TMEM229A: variants seen among roughly 807,000 people sequenced by gnomAD.
TMEM229A encodes the protein transmembrane protein 229A.
TMEM229A carries 23 observed loss-of-function variants against 30.0 expected under a neutral mutation model. The ratio of observed to expected loss-of-function variants is 0.77; its 90% CI spans 0.55 to 1.09. The LOEUF (loss-of-function observed/expected upper bound fraction) is 1.09, where lower values mean the gene tolerates loss of function less well. Among genes scored for constraint, TMEM229A ranks in the 50% least tolerant of loss-of-function variants. The pLI, the probability that TMEM229A is intolerant of heterozygous loss-of-function variation, is 0.00. For synonymous variants in TMEM229A, 264 were observed against 241.5 expected, an observed-to-expected ratio of 1.09 and a Z score of -0.86; for missense variants, 534 against 525.9, an observed-to-expected ratio of 1.02 and a Z score of -0.15.
Position 124,032,783 on chromosome 7 carries a change from G to A in TMEM229A, c.221C>T (p.Ala74Val). Reference protein sequence around the residue: ...GITLDVLVSSARRFARSPDLR... With the variant: ...GITLDVLVSSVRRFARSPDLR... The stretch of plus-strand genomic sequence containing the variant: ...GTCCGGGCTGCGGGCGAAGCGCCGG[G>A]CCGAGGACACCAGCACGTCCAGGGT... The change falls in exon 1 of 1, where the codon GCC (alanine) becomes GTC (valine). Residue 74 changes from alanine (A) to valine (V), a missense_variant. Transcript: ENST00000455783. This position sits in a 1 kb window ranked among gnomAD's most constrained non-coding sequence, Gnocchi z 6.6. The A allele has an allele frequency of 6.4e-7, 1 of 1,551,124 alleles. No homozygotes were observed. The highest frequency in any genetic ancestry group is 8.7e-7 in the Non-Finnish European group (1 of 1,146,850).
Position 124,032,252 on chromosome 7 carries a change from C to G in TMEM229A, c.752G>C (p.Gly251Ala). ...LPRFLFFGMHGFLDEIFFTFF... is the reference protein window; with the variant it reads ...LPRFLFFGMHAFLDEIFFTFF... ...GGTGAAGAAGATCTCATCCAGAAAG[C>G]CGTGCATTCCGAAGAAAAGAAAGCG... Residue 251 changes from glycine to alanine, a missense_variant, in exon 1 of 1, where the codon GGC becomes GCC. By Grantham distance (60) the Gly-to-Ala change is moderately conservative. Coordinates refer to ENST00000455783, the MANE Select transcript of TMEM229A (RefSeq NM_001136002.2). This position sits in a 1 kb window ranked among gnomAD's most constrained non-coding sequence, Gnocchi z 6.6. The G allele has an allele frequency of 6.4e-7, 1 of 1,551,576 alleles. No individual in the cohort carries two copies. Among genetic ancestry groups the G allele is most frequent in the Non-Finnish European group, 8.7e-7 (1 of 1,146,988 alleles).
At position 124,032,580 on chromosome 7, in the gene TMEM229A, G is replaced by A. The variant is rs755096200; in HGVS notation, c.424C>T (p.Leu142Phe). 5 of 1,550,342 alleles carry A rather than the reference G, an allele frequency of 3.2e-6. No individual in the cohort carries two copies. Among genetic ancestry groups the A allele is most frequent in the Middle Eastern group, 1.7e-4 (1 of 5,970 alleles). ...ACCCCCGCCCCGCCGCCCAGGCTGAGTAGTAGCGCCTGGCCCGCTAGGGTC... is the reference window on the plus strand; with the variant it reads ...ACCCCCGCCCCGCCGCCCAGGCTGAATAGTAGCGCCTGGCCCGCTAGGGTC... ...LQTLAGQALL[L>F]SLGGGAGVAV... Residue 142 changes from leucine (L) to phenylalanine (F), a missense_variant, in exon 1 of 1, where the codon CTC becomes TTC. Transcript: ENST00000455783. The surrounding 1 kb of genome is among the most constrained non-coding windows in gnomAD (Gnocchi z 6.6).
In TMEM229A at chr7:124,032,628, G is replaced by C. The variant is rs1489725757; in HGVS notation, c.376C>G (p.Pro126Ala). The C allele has an allele frequency of 1.7e-5, 27 of 1,551,162 alleles. No homozygotes were observed. The Admixed American group carries it at 2.4e-4, about 14-fold the overall frequency. ...NAFVFNFLLY[P>A]SAHVGLQTLA... ...GTCTGCAGCCCCACGTGGGCCGAGG[G>C]GTAGAGGAGGAAATTGAAGACGAAG... The change falls in exon 1 of 1, where the codon CCC (proline) becomes GCC (alanine). Residue 126 changes from proline to alanine, a missense_variant. Physicochemically the swap from Pro to Ala is conservative, Grantham distance 27. Coordinates refer to ENST00000455783, the MANE Select transcript of TMEM229A (RefSeq NM_001136002.2). This position sits in a 1 kb window ranked among gnomAD's most constrained non-coding sequence, Gnocchi z 6.6.
rs1793133925 is a variant in TMEM229A at position 124,031,656 on chromosome 7, T to C, written c.*205A>G. On this transcript the variant is annotated 3_prime_UTR_variant, in exon 1 of 1. Transcript: ENST00000455783. The surrounding 1 kb of genome is among the most constrained non-coding windows in gnomAD (Gnocchi z 4.1). Reference sequence around the variant, plus strand: ...GGCAAATAAAGTACTTTGAATTATGTTTCGAGTAGTGTTTCAAAGTATATT... The same window carrying C: ...GGCAAATAAAGTACTTTGAATTATGCTTCGAGTAGTGTTTCAAAGTATATT... The C allele has an allele frequency of 3.9e-6, 2 of 518,398 alleles. No individual in the cohort carries two copies. The highest frequency in any genetic ancestry group is 7.4e-5 in the Admixed American group (2 of 27,198). 32.1% of individuals were successfully genotyped at this position (518,398 alleles called of 1,614,324 possible). A position where few individuals can be genotyped will look rare whatever the true frequency, so the allele number is the denominator to read the frequency against.
Position 124,032,707 on chromosome 7 carries a change from G to A in TMEM229A, c.297C>T (p.Leu99=). The A allele has an allele frequency of 1.3e-6, 2 of 1,551,518 alleles. No homozygotes were observed. The highest frequency in any genetic ancestry group is 1.7e-6 in the Non-Finnish European group (2 of 1,146,896). Residue 99 remains leucine, a synonymous_variant, in exon 1 of 1, where the codon CTC becomes CTT. Coordinates refer to ENST00000455783, the MANE Select transcript of TMEM229A (RefSeq NM_001136002.2). This position sits in a 1 kb window ranked among gnomAD's most constrained non-coding sequence, Gnocchi z 6.6. The part of the protein sequence containing the change: ...SSPYRCLLHS[L]THFALEKVYL... ...ACACCTTCTCCAGGGCGAAATGGGT[G>A]AGCGAGTGCAGCAGGCAGCGGTAGG... is the stretch of plus-strand genomic sequence containing the variant.
rs1793160530 is a variant in TMEM229A, at chr7:124,033,051, C to A, written c.-48G>T. 2.5e-6 allele frequency: 3 copies of A among 1,181,486 alleles called. No homozygotes were observed. The highest frequency in any genetic ancestry group is 1.6e-5 in the African/African-American group (1 of 62,156). 73.2% of individuals were successfully genotyped at this position (1,181,486 alleles called of 1,614,324 possible). On this transcript the variant is annotated 5_prime_UTR_variant, in exon 1 of 1. Coordinates refer to ENST00000455783, the MANE Select transcript of TMEM229A (RefSeq NM_001136002.2). Reference sequence around the variant, plus strand: ...CCCGAGGCTGCACCGCCGCCGCTGCCGGGTGCGCGGAGCTGCAGGGCCGAG... The same window carrying A: ...CCCGAGGCTGCACCGCCGCCGCTGCAGGGTGCGCGGAGCTGCAGGGCCGAG...
rs1266279440 is a variant in TMEM229A at position 124,032,777 on chromosome 7, C to G, written c.227G>C (p.Arg76Pro). ...TLDVLVSSAR[R>P]FARSPDLRML... Reference sequence around the variant, plus strand: ...CCGCAGGTCCGGGCTGCGGGCGAAGCGCCGGGCCGAGGACACCAGCACGTC... The same window carrying G: ...CCGCAGGTCCGGGCTGCGGGCGAAGGGCCGGGCCGAGGACACCAGCACGTC... The change falls in exon 1 of 1, where the codon CGC (arginine) becomes CCC (proline). Residue 76 changes from arginine to proline, a missense_variant. Transcript: ENST00000455783. This position sits in a 1 kb window ranked among gnomAD's most constrained non-coding sequence, Gnocchi z 6.6. 3 of 1,551,156 alleles carry G rather than the reference C, an allele frequency of 1.9e-6. No individual in the cohort carries two copies. Among genetic ancestry groups the G allele is most frequent in the Non-Finnish European group, 2.6e-6 (3 of 1,146,856 alleles).
rs769449501 is a variant in TMEM229A, at chr7:124,032,346, G to A, written c.658C>T (p.Arg220Trp). ...GARVPTAAGARRRRPRGPRGA... is the reference protein window; with the variant it reads ...GARVPTAAGAWRRRPRGPRGA... ...CTGGGGCCACGGGGTCGTCGCCGCC[G>A]GGCTCCGGCCGCAGTAGGGACCCGG... is the stretch of plus-strand genomic sequence containing the variant. Residue 220 changes from arginine to tryptophan, a missense_variant, in exon 1 of 1, where the codon CGG becomes TGG. Transcript: ENST00000455783. The surrounding 1 kb of genome is among the most constrained non-coding windows in gnomAD (Gnocchi z 6.6). The A allele has an allele frequency of 1.4e-5, 22 of 1,542,164 alleles. No homozygotes were observed. The highest frequency in any genetic ancestry group is 1.9e-5 in the Non-Finnish European group (22 of 1,143,888).
rs1037430318 is a variant in TMEM229A, at chr7:124,032,293, C to T, written c.711G>A (p.Gly237=). 29 of 1,550,830 alleles carry T rather than the reference C, an allele frequency of 1.9e-5. No individual in the cohort carries two copies. In the African/African-American group the frequency reaches 3.1e-4, roughly 17 times the overall value. ...PRGAGGAPSQ[G]LPDLPRFLFF... ...AAAGAAAGCGGGGTAGGTCGGGCAG[C>T]CCCTGGCTGGGGGCTCCCCCGGCGC... Residue 237 remains glycine, a synonymous_variant, in exon 1 of 1, where the codon GGG becomes GGA. Transcript: ENST00000455783. This position sits in a 1 kb window ranked among gnomAD's most constrained non-coding sequence, Gnocchi z 6.6.
At position 124,032,927 on chromosome 7, in the gene TMEM229A, C is replaced by T. The variant is rs1299952416; in HGVS notation, c.77G>A (p.Gly26Glu). 6 of 1,362,190 alleles carry T rather than the reference C, an allele frequency of 4.4e-6. No homozygotes were observed. Among genetic ancestry groups the T allele is most frequent in the Non-Finnish European group, 5.7e-6 (6 of 1,061,790 alleles). The allele number at this position is 1,362,190 out of a possible 1,614,324, so 84.4% of individuals were successfully genotyped here. A position where few individuals can be genotyped will look rare whatever the true frequency, so the allele number is the denominator to read the frequency against. Residue 26 changes from glycine to glutamate, a missense_variant, in exon 1 of 1, where the codon GGG becomes GAG. Coordinates refer to ENST00000455783, the MANE Select transcript of TMEM229A (RefSeq NM_001136002.2). The surrounding 1 kb of genome is among the most constrained non-coding windows in gnomAD (Gnocchi z 6.6). Reference sequence around the variant, plus strand: ...GCCGGCTGCCGCCTCGCTTCCTGGCCCGCCAGGGGCCCCCGGACGCCGCGC... The same window carrying T: ...GCCGGCTGCCGCCTCGCTTCCTGGCTCGCCAGGGGCCCCCGGACGCCGCGC... Reference protein sequence around the residue: ...GAARRPGAPGGPGSEAAAGCP... With the variant: ...GAARRPGAPGEPGSEAAAGCP...
At position 124,032,430 on chromosome 7, in the gene TMEM229A, G is replaced by A; in HGVS notation, c.574C>T (p.Gln192Ter). The change falls in exon 1 of 1, where the codon CAG becomes TAG. Residue 192 changes from glutamine (Q) to a stop codon, truncating the protein, a stop_gained. Transcript: ENST00000455783. LOFTEE classifies it high-confidence loss of function. This position sits in a 1 kb window ranked among gnomAD's most constrained non-coding sequence, Gnocchi z 6.6. ...YGRQRRRQQQ[Q>*]QQQQQQQQRR... Reference sequence around the variant, plus strand: ...TGCTGCTGCTGCTGCTGCTGCTGCTGTTGCTGCTGCCGCCGCCTCTGTCGC... The same window carrying A: ...TGCTGCTGCTGCTGCTGCTGCTGCTATTGCTGCTGCCGCCGCCTCTGTCGC... 1.3e-6 allele frequency: 2 copies of A among 1,541,180 alleles called. No homozygotes were observed. Among genetic ancestry groups the A allele is most frequent in the African/African-American group, 1.5e-5 (1 of 68,034 alleles).
Position 124,031,935 on chromosome 7 carries a change from A to G in TMEM229A, c.1069T>C (p.Trp357Arg). Residue 357 changes from tryptophan to arginine, a missense_variant, in exon 1 of 1, where the codon TGG (tryptophan) becomes CGG (arginine). Coordinates refer to ENST00000455783, the MANE Select transcript of TMEM229A (RefSeq NM_001136002.2). The surrounding 1 kb of genome is among the most constrained non-coding windows in gnomAD (Gnocchi z 4.1). ...GLITLMYLPG[W>R]IFLSVYQDLI... ...TCCTGGTACACACTAAGGAATATCC[A>G]GCCAGGTAAATACATCAGGGTGATG... The G allele has an allele frequency of 6.4e-7, 1 of 1,551,710 alleles. No homozygotes were observed. Among genetic ancestry groups the G allele is most frequent in the Non-Finnish European group, 8.7e-7 (1 of 1,147,002 alleles).
Position 124,032,841 on chromosome 7 carries a change from T to C in TMEM229A, c.163A>G (p.Met55Val), listed in dbSNP as rs933359590. The change falls in exon 1 of 1, where the codon ATG (methionine) becomes GTG (valine). Residue 55 changes from methionine (M) to valine (V), a missense_variant. By Grantham distance (21) the Met-to-Val change is conservative. Coordinates refer to ENST00000455783, the MANE Select transcript of TMEM229A (RefSeq NM_001136002.2). The surrounding 1 kb of genome is among the most constrained non-coding windows in gnomAD (Gnocchi z 6.6). The part of the protein sequence containing the change: ...PAESATLPAW[M>V]RLYFYGMHGI... Reference sequence around the variant, plus strand: ...TGCATCCCGTAGAAGTAGAGGCGCATCCAGGCGGGCAGCGTGGCGCTCTCA... The same window carrying C: ...TGCATCCCGTAGAAGTAGAGGCGCACCCAGGCGGGCAGCGTGGCGCTCTCA... 1 of 1,546,192 alleles carries C rather than the reference T, an allele frequency of 6.5e-7. No homozygotes were observed. The highest frequency in any genetic ancestry group is 1.4e-5 in the African/African-American group (1 of 72,552).
In TMEM229A at chr7:124,032,774, A is replaced by C. The variant is rs1289128743; in HGVS notation, c.230T>G (p.Phe77Cys). 2.4e-5 allele frequency: 37 copies of C among 1,551,168 alleles called. No individual in the cohort carries two copies. Among genetic ancestry groups the C allele is most frequent in the Non-Finnish European group, 3.2e-5 (37 of 1,146,848 alleles). Residue 77 changes from phenylalanine to cysteine, a missense_variant, in exon 1 of 1, where the codon TTC becomes TGC. By Grantham distance (205) the Phe-to-Cys change is radical. Coordinates refer to ENST00000455783, the MANE Select transcript of TMEM229A (RefSeq NM_001136002.2). The surrounding 1 kb of genome is among the most constrained non-coding windows in gnomAD (Gnocchi z 6.6). ...CATCCGCAGGTCCGGGCTGCGGGCG[A>C]AGCGCCGGGCCGAGGACACCAGCAC... ...LDVLVSSARR[F>C]ARSPDLRMLG...
At position 124,032,441 on chromosome 7, in the gene TMEM229A, C is replaced by G. The variant is rs1234439338; in HGVS notation, c.563G>C (p.Arg188Pro). ...LRLRYGRQRR[R>P]QQQQQQQQQQ... ...CTGCTGCTGCTGCTGTTGCTGCTGC[C>G]GCCGCCTCTGTCGCCCGTACCGCAA... The change falls in exon 1 of 1, where the codon CGG becomes CCG. Residue 188 changes from arginine to proline, a missense_variant. Arg to Pro is a moderately radical substitution (Grantham distance 103). Transcript: ENST00000455783. This position sits in a 1 kb window ranked among gnomAD's most constrained non-coding sequence, Gnocchi z 6.6. 6.5e-7 allele frequency: 1 copy of G among 1,545,464 alleles called. No individual in the cohort carries two copies. Among genetic ancestry groups the G allele is most frequent in the East Asian group, 2.5e-5 (1 of 40,738 alleles).
chr7:124,032,735 G>T lies in TMEM229A; in HGVS notation c.269C>A (p.Ser90Ter), dbSNP rs1793154536. 6.4e-7 allele frequency: 1 copy of T among 1,551,328 alleles called. No homozygotes were observed. The highest frequency in any genetic ancestry group is 1.4e-5 in the African/African-American group (1 of 73,058). The part of the protein sequence containing the change: ...SPDLRMLGFS[S>*]PYRCLLHSLT... ...CGAGTGCAGCAGGCAGCGGTAGGGC[G>T]AGGAGAAGCCTAGCATCCGCAGGTC... The change falls in exon 1 of 1, where the codon TCG (serine) becomes TAG (stop). Residue 90 changes from serine to a stop codon, truncating the protein, a stop_gained. Coordinates refer to ENST00000455783, the MANE Select transcript of TMEM229A (RefSeq NM_001136002.2). LOFTEE classifies it high-confidence loss of function. The surrounding 1 kb of genome is among the most constrained non-coding windows in gnomAD (Gnocchi z 6.6).
At position 124,031,890 on chromosome 7, in the gene TMEM229A, A is replaced by C; in HGVS notation, c.1114T>G (p.Trp372Gly). The change falls in exon 1 of 1, where the codon TGG becomes GGG. Residue 372 changes from tryptophan to glycine, a missense_variant. By Grantham distance (184) the Trp-to-Gly change is radical. Coordinates refer to ENST00000455783, the MANE Select transcript of TMEM229A (RefSeq NM_001136002.2). This position sits in a 1 kb window ranked among gnomAD's most constrained non-coding sequence, Gnocchi z 4.1. ...TTAGCTGGTACGTACTGCACCCTCC[A>C]CAACACGTTGGAAATTAGGTCCTGG... ...VYQDLISNVL[W>G]RVQYVPAN The C allele has an allele frequency of 6.4e-7, 1 of 1,551,456 alleles. No individual in the cohort carries two copies. Among genetic ancestry groups the C allele is most frequent in the Non-Finnish European group, 8.7e-7 (1 of 1,146,930 alleles).
rs1451196415 is a variant in TMEM229A, at chr7:124,031,550, T to C, written c.*311A>G. On this transcript the variant is annotated 3_prime_UTR_variant, in exon 1 of 1. Coordinates refer to ENST00000455783, the MANE Select transcript of TMEM229A (RefSeq NM_001136002.2). The surrounding 1 kb of genome is among the most constrained non-coding windows in gnomAD (Gnocchi z 4.1). ...CTGTTGCCAGATGGGTAAACACTAC[T>C]ACATCATTCTGATGTTAAGGTATAA... 2 of 213,962 alleles carry C rather than the reference T, an allele frequency of 9.3e-6. No individual in the cohort carries two copies. Among genetic ancestry groups the C allele is most frequent in the African/African-American group, 4.6e-5 (2 of 43,762 alleles). The allele number at this position is 213,962 out of a possible 1,614,324, so 13.3% of individuals were successfully genotyped here.
At position 124,032,402 on chromosome 7, in the gene TMEM229A, C is replaced by G; in HGVS notation, c.602G>C (p.Arg201Pro). Reference protein sequence around the residue: ...QQQQQQQQQQRRGALPVPPGA... With the variant: ...QQQQQQQQQQPRGALPVPPGA... Reference sequence around the variant, plus strand: ...GGGAGGGACGGGGAGCGCGCCCCTCCGCTGCTGCTGCTGCTGCTGCTGCTG... The same window carrying G: ...GGGAGGGACGGGGAGCGCGCCCCTCGGCTGCTGCTGCTGCTGCTGCTGCTG... The change falls in exon 1 of 1, where the codon CGG becomes CCG. Residue 201 changes from arginine (R) to proline (P), a missense_variant. Transcript: ENST00000455783. This position sits in a 1 kb window ranked among gnomAD's most constrained non-coding sequence, Gnocchi z 6.6. The G allele has an allele frequency of 6.5e-7, 1 of 1,538,926 alleles. No individual in the cohort carries two copies. The highest frequency in any genetic ancestry group is 2.0e-5 in the Admixed American group (1 of 50,646).
Sources: gnomAD v4.1 joint callset for allele counts on GRCh38, gnomAD v4.1.1 for gene constraint, Gnocchi (gnomAD v3.1) non-coding constraint, MANE v1.5 for transcripts, NCBI Gene and HGNC (gene_info 2026-07-23, HGNC 2026-07-21) for gene names.